Variants in FER1L6 observed in about 807,000 individuals in gnomAD.
The protein encoded by FER1L6 is fer-1 like family member 6, also known as fer-1-like protein 6.
In FER1L6, 177 loss-of-function variants were observed where a neutral mutation model predicts 219.2. The observed-to-expected ratio is 0.81, with a 90% CI of 0.71 to 0.91. The LOEUF (loss-of-function observed/expected upper bound fraction) is 0.91. Ranked by LOEUF, FER1L6 falls within the 40% of genes least tolerant of loss-of-function variation. The pLI is 0.00. For synonymous variants in FER1L6, 768 were observed against 824.3 expected (o/e 0.93, Z 1.17); for missense variants, 2,153 against 2,259.9 (o/e 0.95, Z 0.96).
chr8:123,898,922 T>C (rs1294330308), intron 1 of FER1L6, among the ~76,000 whole-genome samples: 2 of 151,028 alleles, frequency 1.3e-5, no homozygotes, highest in African/African-American at 2.4e-5. Flanking sequence ...GCATTTGTGT[T>C]GGTTCCACAA....
intron 39 of FER1L6, among the ~76,000 whole-genome samples, chr8:124,114,627 T>C (rs914572887): frequency 2.0e-5 from 3 of 152,076 alleles, no homozygotes; most frequent in Admixed American, 6.6e-5. Context: ...GAAAAATGAC[T>C]ATGCTTTGTA....
chr8:123,895,371 A>G (rs918422451), intron 1 of FER1L6, among the ~76,000 whole-genome samples: 1 of 152,176 alleles, frequency 6.6e-6, no homozygotes, highest in African/African-American at 2.4e-5. Flanking sequence ...ACTTGGAGAA[A>G]CTTGAATAGG....
At chr8:124,044,147 G>A (rs186606912) in intron 20 of FER1L6, among the ~76,000 whole-genome samples, 169 of 152,282 alleles carry the variant, frequency 1.1e-3, no homozygotes, top group African/African-American at 3.5e-3. Context: ...TTGGTATTAC[G>A]CTGTCAAGTG....
At chr8:124,054,926 A>T (rs1820212646) in intron 22 of FER1L6, among the ~76,000 whole-genome samples, 1 of 152,192 alleles carries the variant, frequency 6.6e-6, no homozygotes, top group Non-Finnish European at 1.5e-5. Context: ...CGAAGGGGCA[A>T]GGAGAGAAGC....
chr8:123,869,353 T>C (rs1816888291), intron 1 of FER1L6, among the ~76,000 whole-genome samples: 1 of 152,212 alleles, frequency 6.6e-6, no homozygotes, highest in Non-Finnish European at 1.5e-5. Flanking sequence ...CTGTGCTCTG[T>C]ATCTGTATAT....
At chr8:124,098,683 C>T (rs7822018) in intron 37 of FER1L6, among the ~76,000 whole-genome samples, 2 of 152,194 alleles carry the variant, frequency 1.3e-5, no homozygotes, top group South Asian at 2.1e-4. Context: ...TATCTCATCA[C>T]CAGTTTAGGA....
At chr8:124,118,564 A>G (rs1431861352) in intron 39 of FER1L6, among the ~76,000 whole-genome samples, 1 of 152,212 alleles carries the variant, frequency 6.6e-6, no homozygotes, top group African/African-American at 2.4e-5. Context: ...AGTGTTTACA[A>G]GAAGAGTAGT....
At chr8:123,881,197 A>T (rs1248964639) in intron 1 of FER1L6, among the ~76,000 whole-genome samples, 1 of 152,208 alleles carries the variant, frequency 6.6e-6, no homozygotes, top group African/African-American at 2.4e-5. Context: ...AAATACATTA[A>T]CATTTCTAAA....
At chr8:123,972,214 A>AGG (rs1457157592) in intron 6 of FER1L6, among the ~76,000 whole-genome samples, 1 of 152,158 alleles carries the variant, frequency 6.6e-6, no homozygotes, top group Admixed American at 6.5e-5. Context: ...AGGGAGAGAG[A>AGG]GTGGAAAGAG....
At chr8:123,930,417 A>G (rs986861399) in intron 1 of FER1L6, among the ~76,000 whole-genome samples, 6 of 152,182 alleles carry the variant, frequency 3.9e-5, no homozygotes, top group Non-Finnish European at 1.5e-5. Context: ...ATATGAATAA[A>G]TGAATTAACA....
chr8:123,876,401 C>CT (rs1817004773), intron 1 of FER1L6, among the ~76,000 whole-genome samples: 1 of 152,116 alleles, frequency 6.6e-6, no homozygotes, highest in African/African-American at 2.4e-5. Context: ...TCACTGCAGC[C>CT]TTGACCTCCT....
rs540052095 is a variant in FER1L6 at position 124,050,310 on chromosome 8, C to T, written c.2874+554C>T. 3.3e-5 allele frequency among the ~76,000 whole-genome samples: 5 copies of T among 152,242 alleles called. No homozygotes were observed. In the South Asian group the frequency reaches 8.3e-4, roughly 25 times the overall value. On this transcript the variant is annotated intron_variant, in intron 22 of 40. Transcript: ENST00000522917. Reference sequence around the variant, plus strand: ...CTTACACTATACAGTTTTGCAAAGACAAAGAGATCTTAGTCCTTCCCACTA... The same window carrying T: ...CTTACACTATACAGTTTTGCAAAGATAAAGAGATCTTAGTCCTTCCCACTA...
chr8:123,956,593 A>G (rs1203779385), intron 2 of FER1L6, among the ~76,000 whole-genome samples: 1 of 152,222 alleles, frequency 6.6e-6, no homozygotes, highest in Non-Finnish European at 1.5e-5. Flanking sequence ...GAGAGTAAAT[A>G]AAGTGTGGAA....
chr8:123,880,799 G>T (rs1200396297), intron 1 of FER1L6, among the ~76,000 whole-genome samples: 1 of 152,190 alleles, frequency 6.6e-6, no homozygotes, highest in Non-Finnish European at 1.5e-5. Context: ...TGATGGCTGT[G>T]CTCCTATCAT....
intron 31 of FER1L6, among the ~76,000 whole-genome samples, chr8:124,073,423 G>A (rs978827334): frequency 5.3e-5 from 8 of 152,070 alleles, no homozygotes; most frequent in African/African-American, 1.4e-4. Context: ...ACTTTTCATT[G>A]ATATTTCTAG....
chr8:124,066,139 T>TG (rs1820820940), intron 26 of FER1L6, among the ~76,000 whole-genome samples: 1 of 152,206 alleles, frequency 6.6e-6, no homozygotes, highest in South Asian at 2.1e-4. Context: ...GCCTAGCTCC[T>TG]GTACTGTATC....
intron 11 of FER1L6, chr8:123,984,171 C>G (rs548494342): frequency 5.9e-5 from 9 of 152,250 alleles, no homozygotes; most frequent in African/African-American, 2.2e-4. Context: ...ACTAGGTGCT[C>G]GACATGAATG....
At chr8:124,097,475 C>T in intron 36 of FER1L6, 116 bp downstream of exon 36, 1 of 765,908 alleles carries the variant, frequency 1.3e-6, no homozygotes, top group Non-Finnish European at 2.1e-6. Flanking sequence ...CACTATCCAC[C>T]CGGCCAGTTT....
intron 38 of FER1L6, 27 bp downstream of exon 38, chr8:124,101,365 T>G (rs371758966): frequency 6.2e-7 from 1 of 1,600,328 alleles, no homozygotes; most frequent in African/African-American, 1.3e-5. Flanking sequence ...ATCAAGCACA[T>G]ATTAATGTTA....
Sources: allele counts gnomAD v4.1 joint callset (sites outside exome capture counted in the v4.1 genomes callset), GRCh38; gene constraint gnomAD v4.1.1; transcripts MANE v1.5; gene names NCBI Gene and HGNC (gene_info 2026-07-23, HGNC 2026-07-21).